Variants in MSH3 observed in about 807,000 individuals in gnomAD.
The protein encoded by MSH3 is mutS homolog 3.
MSH3 carries 106 observed loss-of-function variants against 123.3 expected under a neutral mutation model. That is an observed-to-expected ratio of 0.86 (90% CI 0.73 to 1.01). MSH3 has a LOEUF of 1.01. MSH3 is among the 50% of genes least tolerant of loss of function. MSH3 has a pLI of 0.00. For synonymous variants in MSH3, 515 were observed against 481.4 expected (o/e 1.07, Z -0.91); for missense variants, 1,459 against 1,347.6 (o/e 1.08, Z -1.29).
In MSH3 at chr5:80,875,789, A is replaced by T; in HGVS notation, c.3341A>T (p.His1114Leu). 1 of 1,613,966 alleles carries T rather than the reference A, an allele frequency of 6.2e-7. No individual in the cohort carries two copies. Among genetic ancestry groups the T allele is most frequent in the Non-Finnish European group, 8.5e-7 (1 of 1,179,802 alleles). Reference protein sequence around the residue: ...LKYFAKLWTMHNAQDLQKWTE... With the variant: ...LKYFAKLWTMLNAQDLQKWTE... ...TATTTTGCAAAGTTATGGACGATGC[A>T]TAATGCACAAGACCTGCAGAAGTGG... The change falls in exon 24 of 24, where the codon CAT becomes CTT. Residue 1114 changes from histidine to leucine, a missense_variant. His to Leu is a moderately conservative substitution (Grantham distance 99, BLOSUM62 -3). Coordinates refer to ENST00000265081, the MANE Select transcript of MSH3 (RefSeq NM_002439.5).
chr5:80,771,272 T>C, intron 15 of MSH3, among the ~76,000 whole-genome samples: 1 of 152,096 alleles, frequency 6.6e-6, no homozygotes, highest in Non-Finnish European at 1.5e-5. Context: ...TCGCTTGAGC[T>C]CCGGAGTTCA....
chr5:80,681,745 A>G (rs1749973235), intron 8 of MSH3, among the ~76,000 whole-genome samples: 3 of 151,992 alleles, frequency 2.0e-5, no homozygotes, highest in Admixed American at 2.0e-4. Context: ...ATAAAATAAC[A>G]ATGGCGAAAT....
At chr5:80,804,884 A>G (rs909445988) in intron 19 of MSH3, among the ~76,000 whole-genome samples, 7 of 152,232 alleles carry the variant, frequency 4.6e-5, no homozygotes, top group Non-Finnish European at 8.8e-5. Context: ...GCAATAGTGA[A>G]TGATACTCTG....
At chr5:80,720,796 C>T (rs757827992) in intron 8 of MSH3, among the ~76,000 whole-genome samples, 1 of 151,710 alleles carries the variant, frequency 6.6e-6, no homozygotes, top group Non-Finnish European at 1.5e-5. Context: ...ATTCATTTTC[C>T]CAAACTTTTA....
At chr5:80,850,765 T>C (rs1349218045) in intron 20 of MSH3, among the ~76,000 whole-genome samples, 1 of 152,188 alleles carries the variant, frequency 6.6e-6, no homozygotes, top group East Asian at 1.9e-4. Flanking sequence ...GTGAATTGTA[T>C]TTTTATCCAC....
intron 10 of MSH3, among the ~76,000 whole-genome samples, chr5:80,739,331 A>T (rs754167360): frequency 1.3e-5 from 2 of 152,210 alleles, no homozygotes; most frequent in Non-Finnish European, 2.9e-5. Flanking sequence ...ATAGCCAATC[A>T]CTGCCTAATT....
At chr5:80,851,327 G>A (rs909419902) in intron 20 of MSH3, among the ~76,000 whole-genome samples, 16 of 152,190 alleles carry the variant, frequency 1.1e-4, no homozygotes, top group African/African-American at 3.9e-4. Context: ...TTTCCCCGCA[G>A]CACTCTTGAT....
At chr5:80,719,193 G>A (rs1051498565) in intron 8 of MSH3, among the ~76,000 whole-genome samples, 30 of 151,946 alleles carry the variant, frequency 2.0e-4, no homozygotes, top group African/African-American at 6.5e-4. Flanking sequence ...GACTACAGGC[G>A]CGTGCCACCA....
intron 8 of MSH3, among the ~76,000 whole-genome samples, chr5:80,685,127 T>C (rs1750057497): frequency 6.6e-6 from 1 of 152,050 alleles, no homozygotes; most frequent in African/African-American, 2.4e-5. Context: ...TAATTTTCTT[T>C]ATTTGATATG....
chr5:80,757,938 G>A (rs1446669871), intron 12 of MSH3, among the ~76,000 whole-genome samples: 1 of 152,126 alleles, frequency 6.6e-6, no homozygotes, highest in Admixed American at 6.6e-5. Context: ...CTTCGTACAG[G>A]AGTTGAAGAT....
At chr5:80,831,987 A>T (rs1012840018) in intron 20 of MSH3, among the ~76,000 whole-genome samples, 2 of 152,016 alleles carry the variant, frequency 1.3e-5, no homozygotes, top group African/African-American at 2.4e-5. Context: ...CGGGGCGCCT[A>T]TAGTCCCAGC....
intron 2 of MSH3, among the ~76,000 whole-genome samples, chr5:80,659,188 C>A (rs962609731): frequency 6.6e-6 from 1 of 150,686 alleles, no homozygotes; most frequent in African/African-American, 2.4e-5. Context: ...GAGCCGAGAT[C>A]GTGCCACTGC....
intron 12 of MSH3, among the ~76,000 whole-genome samples, chr5:80,745,422 T>C (rs1291068935): frequency 1.3e-5 from 2 of 152,232 alleles, no homozygotes; most frequent in African/African-American, 4.8e-5. Context: ...TATTTACTGG[T>C]GTTTAATACT....
At chr5:80,777,392 C>T (rs1353832299) in intron 16 of MSH3, among the ~76,000 whole-genome samples, 3 of 151,096 alleles carry the variant, frequency 2.0e-5, no homozygotes, top group East Asian at 1.9e-4. Context: ...TGTTTTTGTC[C>T]TGTACCACAG....
At chr5:80,842,642 T>G (rs1189005532) in intron 20 of MSH3, among the ~76,000 whole-genome samples, 4 of 152,170 alleles carry the variant, frequency 2.6e-5, no homozygotes, top group Non-Finnish European at 2.9e-5. Context: ...TAAGTTGTAT[T>G]CCTAGGTATT....
chr5:80,745,981 GT>G (rs1426797689), intron 12 of MSH3, among the ~76,000 whole-genome samples: 30 of 146,712 alleles, frequency 2.0e-4, no homozygotes, highest in Admixed American at 2.0e-4. Flanking sequence ...TCTTTTGCAA[GT>G]TTTTTTTTTT....
chr5:80,682,297 G>A (rs896523052), intron 8 of MSH3, among the ~76,000 whole-genome samples: 3 of 152,066 alleles, frequency 2.0e-5, no homozygotes, highest in African/African-American at 7.2e-5. Flanking sequence ...TTATATTGGG[G>A]GTATTAAGAG....
intron 15 of MSH3, among the ~76,000 whole-genome samples, chr5:80,770,071 T>G (rs1744190907): frequency 6.6e-6 from 1 of 152,194 alleles, no homozygotes; most frequent in African/African-American, 2.4e-5. Flanking sequence ...ATATTTATAC[T>G]TATGTTTATT....
At position 80,796,805 on chromosome 5, in the gene MSH3, A is replaced by G. The variant is rs565580712; in HGVS notation, c.2655+3961A>G. Among the ~76,000 whole-genome samples, 6 of 152,124 alleles carry G rather than the reference A, an allele frequency of 3.9e-5. No homozygotes were observed. The South Asian group carries it at 1.0e-3, about 26-fold the overall frequency. On this transcript the variant is annotated intron_variant, in intron 19 of 23. Coordinates refer to ENST00000265081, the MANE Select transcript of MSH3 (RefSeq NM_002439.5). ...TTTTTGTCCCCTTCCTTGATTCACTATATAATCCAAGCATTTATACATGTG... is the reference window on the plus strand; with the variant it reads ...TTTTTGTCCCCTTCCTTGATTCACTGTATAATCCAAGCATTTATACATGTG...
Sources: allele counts gnomAD v4.1 joint callset (sites outside exome capture counted in the v4.1 genomes callset), GRCh38; gene constraint gnomAD v4.1.1; transcripts MANE v1.5; gene names NCBI Gene and HGNC (gene_info 2026-07-23, HGNC 2026-07-21).